The following PCDHGB4 variants were observed in gnomAD, a reference collection of about 807,000 sequenced individuals.
PCDHGB4 encodes protocadherin gamma-B4.
In PCDHGB4, 38 loss-of-function variants were observed where a neutral mutation model predicts 60.5. That is an observed-to-expected ratio of 0.63 (90% CI 0.48 to 0.82). PCDHGB4 has a LOEUF of 0.82. PCDHGB4 is among the 40% of genes least tolerant of loss of function. The pLI is 0.00. For missense variants in PCDHGB4, 1,109 were observed against 1,209.6 expected (o/e 0.92, Z 1.23); for synonymous variants, 456 against 509.7 (o/e 0.89, Z 1.42).
rs1040753474 is a variant in PCDHGB4 at position 141,511,446 on chromosome 5, G to T, written c.*273G>T. 3.1e-6 allele frequency: 2 copies of T among 654,526 alleles called. No individual in the cohort carries two copies. The highest frequency in any genetic ancestry group is 3.7e-5 in the African/African-American group (2 of 54,758). 40.5% of individuals were successfully genotyped at this position (654,526 alleles called of 1,614,324 possible). A position where few individuals can be genotyped will look rare whatever the true frequency, so the allele number is the denominator to read the frequency against. ...GTAGTGGGGTTACTGTAGACACCAA[G>T]AACCATTTGCCACACCCCGTTTAGT... On this transcript the variant is annotated 3_prime_UTR_variant, in exon 4 of 4. Transcript: ENST00000519479.
intron 3 of PCDHGB4, among the ~76,000 whole-genome samples, chr5:141,509,092 G>T (rs943269087): frequency 1.3e-5 from 2 of 152,180 alleles, no homozygotes; most frequent in African/African-American, 4.8e-5. Context: ...TGAAATGGGG[G>T]CTGTAGAAAC....
intron 1 of PCDHGB4, chr5:141,478,028 G>A (rs2099428840): frequency 6.2e-7 from 1 of 1,614,060 alleles, no homozygotes; most frequent in South Asian, 1.1e-5. Flanking sequence ...CCAAGACACA[G>A]ATTCACCCAG....
chr5:141,427,912 A>T (rs1268491054), intron 1 of PCDHGB4: 2 of 1,577,806 alleles, frequency 1.3e-6, no homozygotes, highest in Admixed American at 3.3e-5. Flanking sequence ...CTCAGCGCCA[A>T]CATGAGCCGG....
intron 1 of PCDHGB4, chr5:141,391,117 G>C (rs1180056630): frequency 6.6e-6 from 1 of 152,054 alleles, no homozygotes; most frequent in African/African-American, 2.4e-5. Flanking sequence ...TATAGCTAGA[G>C]GTCTTCTAAT....
At chr5:141,475,161 A>G (rs1433985907) in intron 1 of PCDHGB4, among the ~76,000 whole-genome samples, 1 of 152,138 alleles carries the variant, frequency 6.6e-6, no homozygotes, top group Non-Finnish European at 1.5e-5. Context: ...CTTCTTCATT[A>G]GCAGTGCAAC....
intron 1 of PCDHGB4, among the ~76,000 whole-genome samples, chr5:141,437,486 G>A (rs530079212): frequency 2.6e-5 from 4 of 152,224 alleles, no homozygotes; most frequent in South Asian, 2.1e-4. Flanking sequence ...ATTTAATCTC[G>A]TAGATCACTT....
At chr5:141,453,852 T>A (rs905734700) in intron 1 of PCDHGB4, among the ~76,000 whole-genome samples, 5 of 152,164 alleles carry the variant, frequency 3.3e-5, no homozygotes, top group African/African-American at 1.2e-4. Context: ...ACAGAGCACT[T>A]TGAAAATAAC....
At chr5:141,422,044 G>A (rs780284162) in intron 1 of PCDHGB4, 1 of 1,611,530 alleles carries the variant, frequency 6.2e-7, no homozygotes, top group Non-Finnish European at 8.5e-7. Flanking sequence ...TCCAGACGAG[G>A]GAATCAACGG....
At chr5:141,449,567 C>T (rs1412647192) in intron 1 of PCDHGB4, among the ~76,000 whole-genome samples, 2 of 133,846 alleles carry the variant, frequency 1.5e-5, no homozygotes, top group Non-Finnish European at 3.1e-5. Context: ...CCAGCCTGGG[C>T]GACAGAGCAA....
At chr5:141,475,715 C>T (rs989484033) in intron 1 of PCDHGB4, among the ~76,000 whole-genome samples, 1 of 152,366 alleles carries the variant, frequency 6.6e-6, no homozygotes, top group African/African-American at 2.4e-5. Context: ...AGCCTCACAG[C>T]CCCAAGGCTG....
chr5:141,459,886 G>A (rs932435611), intron 1 of PCDHGB4, among the ~76,000 whole-genome samples: 2 of 152,080 alleles, frequency 1.3e-5, no homozygotes, highest in Non-Finnish European at 2.9e-5. Context: ...TGAGCTGAAC[G>A]CCTTCTTAAA....
chr5:141,392,661 A>T, intron 1 of PCDHGB4: 1 of 803,300 alleles, frequency 1.2e-6, no homozygotes, highest in Non-Finnish European at 1.9e-6. Context: ...CAGATGCCAC[A>T]AACTAACTGC....
chr5:141,402,903 A>C, intron 1 of PCDHGB4: 1 of 1,525,170 alleles, frequency 6.6e-7, no homozygotes, highest in East Asian at 2.3e-5. Context: ...GAACCTGATG[A>C]AGCAGCGCGC....
At chr5:141,435,995 A>C (rs1033174115) in intron 1 of PCDHGB4, among the ~76,000 whole-genome samples, 2 of 152,144 alleles carry the variant, frequency 1.3e-5, no homozygotes, top group African/African-American at 4.8e-5. Context: ...TGATTTTTTG[A>C]AAGAAAGTAT....
At chr5:141,404,565 G>C in intron 1 of PCDHGB4, 2 of 1,613,910 alleles carry the variant, frequency 1.2e-6, no homozygotes. Flanking sequence ...AGTGACAGTG[G>C]AAGCCCACCA....
At position 141,490,735 on chromosome 5, in the gene PCDHGB4, C is replaced by T; in HGVS notation, c.2398-4072C>T. The T allele has an allele frequency of 2.5e-6, 4 of 1,614,194 alleles. No individual in the cohort carries two copies. Among genetic ancestry groups the T allele is most frequent in the Non-Finnish European group, 2.5e-6 (3 of 1,180,018 alleles). ...CTACTCCATTGTAGGAAATCAGGTTCAGGGAGCCCCAGCCTCCTCCTTTGT... is the reference window on the plus strand; with the variant it reads ...CTACTCCATTGTAGGAAATCAGGTTTAGGGAGCCCCAGCCTCCTCCTTTGT... On this transcript the variant is annotated intron_variant, in intron 1 of 3. Transcript: ENST00000519479. This position sits in a 1 kb window ranked among gnomAD's most constrained non-coding sequence, Gnocchi z 5.4.
At chr5:141,484,589 C>T (rs2154580160) in intron 1 of PCDHGB4, among the ~76,000 whole-genome samples, 1 of 152,074 alleles carries the variant, frequency 6.6e-6, no homozygotes, top group African/African-American at 2.4e-5. Context: ...GGAAGCTACT[C>T]ATTTAGAATA....
intron 1 of PCDHGB4, chr5:141,430,634 C>G: frequency 1.1e-6 from 1 of 882,730 alleles, no homozygotes; most frequent in Non-Finnish European, 1.7e-6. Flanking sequence ...TGAACCATCC[C>G]TGGGAGTATG....
At chr5:141,454,931 C>T (rs2154564856) in intron 1 of PCDHGB4, among the ~76,000 whole-genome samples, 2 of 151,066 alleles carry the variant, frequency 1.3e-5, no homozygotes, top group South Asian at 4.2e-4. Context: ...CCTCAGCCTC[C>T]CGAGTAGCTG....
Sources: gnomAD v4.1 joint callset for allele counts (sites outside exome capture counted in the v4.1 genomes callset) on GRCh38, gnomAD v4.1.1 for gene constraint, Gnocchi (gnomAD v3.1) non-coding constraint, MANE v1.5 for transcripts, NCBI Gene and HGNC (gene_info 2026-07-23, HGNC 2026-07-21) for gene names.